DBNDD1: variants seen among roughly 807,000 people sequenced by gnomAD.
DBNDD1 encodes the protein dysbindin domain-containing protein 1.
A neutral mutation model predicts 17.0 loss-of-function variants in DBNDD1; 14 were observed. The observed-to-expected ratio is 0.82, with a 90% CI of 0.54 to 1.29. DBNDD1 has a LOEUF of 1.29. Among genes scored for constraint, DBNDD1 ranks in the 50% most tolerant of loss-of-function variants. The pLI is 0.00. For missense variants in DBNDD1, 221 were observed against 216.2 expected (o/e 1.02, Z -0.14); for synonymous variants, 105 against 102.0 (o/e 1.03, Z -0.18).
Position 90,019,432 on chromosome 16 carries a change from T to C in DBNDD1, c.-91A>G, listed in dbSNP as rs1448688178. On this transcript the variant is annotated 5_prime_UTR_variant, in exon 1 of 4. Transcript: ENST00000002501. This position sits in a 1 kb window ranked among gnomAD's most constrained non-coding sequence, Gnocchi z 6.1. ...GCTGCGGCAGCGACTCGGCCCCGGC[T>C]CCGGGCGCAGCGCATCGGGGCAGCA... 6.8e-5 allele frequency: 54 copies of C among 793,014 alleles called. No homozygotes were observed. The highest frequency in any genetic ancestry group is 8.8e-5 in the Non-Finnish European group (54 of 615,716). 49.1% of individuals were successfully genotyped at this position (793,014 alleles called of 1,614,324 possible).
At chr16:90,013,262 T>TAAAAAAAAAAACAAAAAAAAA (rs2035586745) in intron 1 of DBNDD1, among the ~76,000 whole-genome samples, 1 of 49,182 alleles carries the variant, frequency 2.0e-5, no homozygotes, top group Non-Finnish European at 4.4e-5. Flanking sequence ...AACCTTGCCT[T>TAAAAAAAAAAACAAAAAAAAA]AAAAAAAAAA....
intron 1 of DBNDD1, among the ~76,000 whole-genome samples, chr16:90,012,462 CT>C (rs2035570588): frequency 6.7e-6 from 1 of 149,734 alleles, no homozygotes; most frequent in Non-Finnish European, 1.5e-5. Flanking sequence ...CCTCTCCTCT[CT>C]CTTTTTTTTT....
At chr16:90,015,824 A>G (rs986768864) in intron 1 of DBNDD1, among the ~76,000 whole-genome samples, 1 of 151,386 alleles carries the variant, frequency 6.6e-6, no homozygotes, top group Non-Finnish European at 1.5e-5. Context: ...ACATTCCATC[A>G]GTGATCGTCA....
rs1158495046 is a variant in DBNDD1, at chr16:90,019,347, C to A, written c.-6G>T. On this transcript the variant is annotated 5_prime_UTR_variant, in exon 1 of 4. Coordinates refer to ENST00000002501, the MANE Select transcript of DBNDD1 (RefSeq NM_001042610.3). This position sits in a 1 kb window ranked among gnomAD's most constrained non-coding sequence, Gnocchi z 6.1. The stretch of plus-strand genomic sequence containing the variant: ...GCGCCCTCCGGGGGCTCCATGCGGC[C>A]GGTGCGGTCTGGGAGGGGCACGGGC... The A allele has an allele frequency of 8.4e-7, 1 of 1,184,774 alleles. No homozygotes were observed. 73.4% of individuals were successfully genotyped at this position (1,184,774 alleles called of 1,614,324 possible).
intron 1 of DBNDD1, among the ~76,000 whole-genome samples, chr16:90,015,938 A>G (rs1391578898): frequency 6.6e-6 from 1 of 152,194 alleles, no homozygotes; most frequent in Non-Finnish European, 1.5e-5. Flanking sequence ...TGACTGCACA[A>G]TTTTGTGAAT....
At chr16:90,013,672 C>T (rs1210434011) in intron 1 of DBNDD1, among the ~76,000 whole-genome samples, 1 of 152,180 alleles carries the variant, frequency 6.6e-6, no homozygotes, top group Non-Finnish European at 1.5e-5. Flanking sequence ...TTGTAGTCCC[C>T]CTCTCACTGG....
At chr16:90,008,682 G>C (rs11641848) in intron 3 of DBNDD1, 102 bp downstream of exon 3, 5 of 717,148 alleles carry the variant, frequency 7.0e-6, no homozygotes, top group Admixed American at 3.0e-5. Flanking sequence ...CTCCCAGGAC[G>C]TCCCAAGGGC....
At position 90,006,405 on chromosome 16, in the gene DBNDD1, A is replaced by T. The variant is rs868625919; in HGVS notation, c.407T>A (p.Leu136Gln). Residue 136 changes from leucine to glutamine, a missense_variant, in exon 4 of 4, where the codon CTA becomes CAA. Transcript: ENST00000002501. ...TGTGGCCTGCCGCTCGGGGTCGCCT[A>T]GGGGCTGCTTCTCGTGGCTCTGCTC... Reference protein sequence around the residue: ...RAEQSHEKQPLGDPERQATVL... With the variant: ...RAEQSHEKQPQGDPERQATVL... The T allele has an allele frequency of 6.2e-7, 1 of 1,606,172 alleles. No homozygotes were observed.
chr16:90,011,819 C>T (rs1303072081), intron 1 of DBNDD1: 2 of 370,336 alleles, frequency 5.4e-6, no homozygotes, highest in Non-Finnish European at 1.1e-5. Context: ...GATGTGGACT[C>T]TGTTCTAAGG....
intron 1 of DBNDD1, among the ~76,000 whole-genome samples, chr16:90,013,513 T>C (rs1445800658): frequency 1.3e-5 from 2 of 152,074 alleles, no homozygotes; most frequent in Non-Finnish European, 2.9e-5. Flanking sequence ...CTGTTCCTGA[T>C]CATGGCGTGG....
chr16:90,015,311 C>T (rs1026101247), intron 1 of DBNDD1, among the ~76,000 whole-genome samples: 2 of 152,128 alleles, frequency 1.3e-5, no homozygotes, highest in African/African-American at 4.8e-5. Flanking sequence ...AGGAGGGGCA[C>T]GATGGATCTT....
At chr16:90,009,238 C>G in intron 2 of DBNDD1, 46 bp downstream of exon 2, 1 of 1,605,706 alleles carries the variant, frequency 6.2e-7, no homozygotes, top group Non-Finnish European at 8.5e-7. Flanking sequence ...CTTGGGGGAG[C>G]TCACGGGGTC....
At chr16:90,009,622 G>A (rs1270693297) in intron 1 of DBNDD1, 192 bp from the exon 2 acceptor site, 12 of 802,344 alleles carry the variant, frequency 1.5e-5, no homozygotes, top group Non-Finnish European at 2.1e-5. Context: ...CTTCAAGGAG[G>A]CTGCTCCTTC....
At position 90,006,158 on chromosome 16, in the gene DBNDD1, GCC is replaced by G. The variant is rs1285246087; in HGVS notation, c.*175_*176del. 4.2e-6 allele frequency: 4 copies of G among 955,430 alleles called. No homozygotes were observed. The highest frequency in any genetic ancestry group is 6.0e-6 in the Non-Finnish European group (4 of 665,016). The allele number at this position is 955,430 out of a possible 1,614,324, so 59.2% of individuals were successfully genotyped here. A position where few individuals can be genotyped will look rare whatever the true frequency, so the allele number is the denominator to read the frequency against. Reference sequence around the variant, plus strand: ...GTCTCCAAGTGAGGCGAAGACCCGTGCCCAGCAGACAAGGCCGGTCTCGGGGC... The same window carrying G: ...GTCTCCAAGTGAGGCGAAGACCCGTGCAGCAGACAAGGCCGGTCTCGGGGC... On this transcript the variant is annotated 3_prime_UTR_variant, in exon 4 of 4. Transcript: ENST00000002501.
At position 90,008,926 on chromosome 16, in the gene DBNDD1, T is replaced by C. The variant is rs767436402; in HGVS notation, c.179-2A>G. 2 of 1,555,108 alleles carry C rather than the reference T, an allele frequency of 1.3e-6. No homozygotes were observed. The highest frequency in any genetic ancestry group is 1.7e-6 in the Non-Finnish European group (2 of 1,144,508). ...GAGAGGAGACGCTGCTCAGAGGCTCTGAGGGCAGAGGGGGTACAGTCAGCC... is the reference window on the plus strand; with the variant it reads ...GAGAGGAGACGCTGCTCAGAGGCTCCGAGGGCAGAGGGGGTACAGTCAGCC... On this transcript the variant is annotated splice_acceptor_variant, in intron 2 of 3. Coordinates refer to ENST00000002501, the MANE Select transcript of DBNDD1 (RefSeq NM_001042610.3). LOFTEE classifies it high-confidence loss of function.
chr16:90,018,467 C>A (rs1048671302), intron 1 of DBNDD1, among the ~76,000 whole-genome samples: 2 of 152,226 alleles, frequency 1.3e-5, no homozygotes, highest in Non-Finnish European at 2.9e-5. Context: ...TGCCTGTGCC[C>A]TCAGGCACCT....
intron 1 of DBNDD1, among the ~76,000 whole-genome samples, chr16:90,010,718 G>A (rs539022921): frequency 2.0e-4 from 30 of 152,188 alleles, no homozygotes; most frequent in Admixed American, 5.2e-4. Context: ...GGACATTGGC[G>A]AGTCTTATGT....
chr16:90,016,469 A>C (rs1194344705), intron 1 of DBNDD1, among the ~76,000 whole-genome samples: 1 of 152,180 alleles, frequency 6.6e-6, no homozygotes, highest in African/African-American at 2.4e-5. Flanking sequence ...AGAGGCAAGC[A>C]GGTGTTTCTG....
chr16:90,008,658 C>T (rs1373195111), intron 3 of DBNDD1, 126 bp downstream of exon 3: 6 of 669,702 alleles, frequency 9.0e-6, no homozygotes, highest in South Asian at 2.2e-5. Context: ...AGGGGCCTCA[C>T]CCCCCAAACA....
Sources: allele counts gnomAD v4.1 joint callset (sites outside exome capture counted in the v4.1 genomes callset), GRCh38; gene constraint gnomAD v4.1.1; non-coding constraint Gnocchi (gnomAD v3.1); transcripts MANE v1.5; gene names NCBI Gene and HGNC (gene_info 2026-07-23, HGNC 2026-07-21).